Variants in COL4A2 observed in about 807,000 individuals in gnomAD.
COL4A2 encodes collagen alpha-2(IV) chain.
Under a neutral mutation model 200.2 loss-of-function variants are expected in COL4A2, and 99 were observed. That is an observed-to-expected ratio of 0.49 (90% CI 0.42 to 0.58). The LOEUF (loss-of-function observed/expected upper bound fraction) is 0.58. Ranked by LOEUF, COL4A2 falls within the 20% of genes least tolerant of loss-of-function variation. The pLI is 0.00. For synonymous variants in COL4A2, 897 were observed against 900.6 expected (o/e 1.00, Z 0.07); for missense variants, 1,950 against 2,314.1 (o/e 0.84, Z 3.23).
rs190990355 is a variant in COL4A2, at chr13:110,324,008, A to G, written c.99+15885A>G. Among the ~76,000 whole-genome samples the G allele has an allele frequency of 3.9e-3, 594 of 152,338 alleles. 1 individual carries two copies. Among genetic ancestry groups the G allele is most frequent in the Middle Eastern group, 0.01 (3 of 294 alleles). On this transcript the variant is annotated intron_variant, in intron 3 of 47. Coordinates refer to ENST00000360467, the MANE Select transcript of COL4A2 (RefSeq NM_001846.4). ...GATTTGAATTACAGTCGAAAAAATT[A>G]TTGGGTAGACAGACATTGGCTTATC...
At chr13:110,494,894 T>TGG (rs1167228664) in intron 39 of COL4A2, among the ~76,000 whole-genome samples, 2 of 152,370 alleles carry the variant, frequency 1.3e-5, no homozygotes, top group African/African-American at 4.8e-5. Flanking sequence ...ACAGTTCCAG[T>TGG]GGGCGAGTGG....
In COL4A2 at chr13:110,508,377, C is replaced by T. The variant is rs1883962695; in HGVS notation, c.4881+156C>T. On this transcript the variant is annotated intron_variant, in intron 47 of 47. Transcript: ENST00000360467. The surrounding 1 kb of genome is among the most constrained non-coding windows in gnomAD (Gnocchi z 6.1). ...GAAGCGAGCGAGAGCTGGAACACAG[C>T]TTACACTTGGCTAACTGAGCCACAT... is the stretch of plus-strand genomic sequence containing the variant. 1 of 1,222,838 alleles carries T rather than the reference C, an allele frequency of 8.2e-7. No homozygotes were observed. The highest frequency in any genetic ancestry group is 1.5e-5 in the African/African-American group (1 of 66,132). The allele number at this position is 1,222,838 out of a possible 1,614,324, so 75.7% of individuals were successfully genotyped here. A position where few individuals can be genotyped will look rare whatever the true frequency, so the allele number is the denominator to read the frequency against.
At chr13:110,450,139 A>G (rs918053985) in intron 19 of COL4A2, among the ~76,000 whole-genome samples, 166 bp from the exon 20 acceptor site, 2 of 152,182 alleles carry the variant, frequency 1.3e-5, no homozygotes, top group African/African-American at 2.4e-5. Flanking sequence ...GGTGTTTTTA[A>G]TGTTGAAAAA....
intron 4 of COL4A2, among the ~76,000 whole-genome samples, chr13:110,377,125 C>T (rs1314964808): frequency 2.0e-5 from 3 of 151,170 alleles, no homozygotes; most frequent in Admixed American, 2.0e-4. Context: ...TCTTATACAC[C>T]TGAAAGCTAG....
rs74922815 is a variant in COL4A2 at position 110,316,418 on chromosome 13, G to A, written c.99+8295G>A. Among the ~76,000 whole-genome samples, 1,358 of 152,222 alleles carry A rather than the reference G, an allele frequency of 8.9e-3. 21 individuals carry two copies. The highest frequency in any genetic ancestry group is 0.031 in the African/African-American group (1,296 of 41,518). ...GATGCAATCATTGCAAACTGTGTCG[G>A]GAAGGAGCATCGCAGCGATGCAGGC... On this transcript the variant is annotated intron_variant, in intron 3 of 47. Transcript: ENST00000360467.
At chr13:110,426,428 G>A (rs777085224) in intron 6 of COL4A2, among the ~76,000 whole-genome samples, 1 of 152,184 alleles carries the variant, frequency 6.6e-6, no homozygotes, top group Non-Finnish European at 1.5e-5. Flanking sequence ...GCTGCTCAAA[G>A]GATCCAGTCT....
intron 4 of COL4A2, among the ~76,000 whole-genome samples, chr13:110,369,804 T>A (rs1008842870): frequency 1.3e-5 from 2 of 152,158 alleles, no homozygotes; most frequent in African/African-American, 4.8e-5. Context: ...ATTGCACAGA[T>A]GAGCCTTCTC....
At chr13:110,446,924 GAC>G in intron 18 of COL4A2, 60 bp downstream of exon 18, 1 of 1,403,046 alleles carries the variant, frequency 7.1e-7, no homozygotes, top group Non-Finnish European at 9.9e-7. Flanking sequence ...TCCTGTTAGG[GAC>G]ACAGAGCTAT....
chr13:110,374,069 T>C (rs2139404139), intron 4 of COL4A2, among the ~76,000 whole-genome samples: 1 of 152,278 alleles, frequency 6.6e-6, no homozygotes, highest in South Asian at 2.1e-4. Flanking sequence ...CACGTCCAAT[T>C]TTAGTACTTG....
chr13:110,491,750 G>T (rs1470374407), intron 37 of COL4A2, among the ~76,000 whole-genome samples: 1 of 152,140 alleles, frequency 6.6e-6, no homozygotes, highest in African/African-American at 2.4e-5. Context: ...CTCAGCACCG[G>T]GGAATGCCAA....
At chr13:110,444,002 C>T (rs1359570666) in intron 16 of COL4A2, among the ~76,000 whole-genome samples, 1 of 152,150 alleles carries the variant, frequency 6.6e-6, no homozygotes, top group Admixed American at 6.5e-5. Context: ...CGTGCATAAC[C>T]CTCAGCCTCC....
intron 18 of COL4A2, among the ~76,000 whole-genome samples, chr13:110,447,832 C>A: frequency 6.6e-6 from 1 of 151,588 alleles, no homozygotes; most frequent in East Asian, 1.9e-4. Flanking sequence ...ACCTCTTGAA[C>A]TCAGCAGGTC....
intron 22 of COL4A2, among the ~76,000 whole-genome samples, chr13:110,460,845 G>A (rs145869408): frequency 1.3e-5 from 2 of 152,294 alleles, no homozygotes; most frequent in South Asian, 2.1e-4. Flanking sequence ...TGTATTGATC[G>A]ATTGGGTCTG....
At chr13:110,395,078 G>A (rs968128090) in intron 4 of COL4A2, among the ~76,000 whole-genome samples, 1 of 152,208 alleles carries the variant, frequency 6.6e-6, no homozygotes, top group Non-Finnish European at 1.5e-5. Context: ...CCTCCACAGG[G>A]TTGGCCCTAG....
rs2139525538 is a variant in COL4A2 at position 110,482,696 on chromosome 13, T to C, written c.2902+37T>C. 4.4e-6 allele frequency: 7 copies of C among 1,600,128 alleles called. 1 individual carries two copies. In the South Asian group the frequency reaches 7.7e-5, roughly 18 times the overall value. On this transcript the variant is annotated intron_variant, in intron 32 of 47. Transcript: ENST00000360467. ...TCTTAACATCCTCCTTACCTGGTCA[T>C]GGTGGCATCCTCCTTACCCTTTCTT...
intron 30 of COL4A2, among the ~76,000 whole-genome samples, chr13:110,478,978 C>A (rs916251729): frequency 1.3e-5 from 2 of 152,222 alleles, no homozygotes; most frequent in Non-Finnish European, 2.9e-5. Context: ...AACTGCCACT[C>A]CACTTGAAGA....
rs1393301412 is a variant in COL4A2 at position 110,424,721 on chromosome 13, G to T, written c.181-13G>T. 1.9e-6 allele frequency: 3 copies of T among 1,572,310 alleles called. No homozygotes were observed. Among genetic ancestry groups the T allele is most frequent in the African/African-American group, 2.7e-5 (2 of 73,292 alleles). ...GATTAATCGTGGAAATTGAACCTTT[G>T]TTGTTCCCACAGGGTCAGCCTGGGC... On this transcript the variant is annotated splice_polypyrimidine_tract_variant and intron_variant, in intron 4 of 47. Transcript: ENST00000360467.
intron 4 of COL4A2, among the ~76,000 whole-genome samples, chr13:110,370,536 T>C (rs1877958362): frequency 6.6e-6 from 1 of 152,230 alleles, no homozygotes; most frequent in South Asian, 2.1e-4. Flanking sequence ...ATTACAGGTG[T>C]GAGCCACCGT....
intron 3 of COL4A2, among the ~76,000 whole-genome samples, chr13:110,312,030 G>A (rs923253193): frequency 6.6e-6 from 1 of 152,254 alleles, no homozygotes; most frequent in Non-Finnish European, 1.5e-5. Context: ...TGCCGCACGA[G>A]GCCCAGAGCT....
Sources: gnomAD v4.1 joint callset for allele counts (sites outside exome capture counted in the v4.1 genomes callset) on GRCh38, gnomAD v4.1.1 for gene constraint, Gnocchi (gnomAD v3.1) non-coding constraint, MANE v1.5 for transcripts, NCBI Gene and HGNC (gene_info 2026-07-23, HGNC 2026-07-21) for gene names.